NUS1: variants seen among roughly 807,000 people sequenced by gnomAD.
NUS1 encodes NUS1 dehydrodolichyl diphosphate synthase subunit.
For missense variants in NUS1, 292 were observed against 382.9 expected, an observed-to-expected ratio of 0.76 and a Z score of 1.98; for synonymous variants, 135 against 155.2, an observed-to-expected ratio of 0.87 and a Z score of 0.97.
Position 117,675,758 on chromosome 6 carries a change from T to C in NUS1, c.88T>C (p.Phe30Leu). 2 of 1,554,480 alleles carry C rather than the reference T, an allele frequency of 1.3e-6. No homozygotes were observed. Among genetic ancestry groups the C allele is most frequent in the Non-Finnish European group, 1.7e-6 (2 of 1,153,960 alleles). The change falls in exon 1 of 5, where the codon TTC (phenylalanine) becomes CTC (leucine). Residue 30 changes from phenylalanine to leucine, a missense_variant. Transcript: ENST00000368494. ...RTLTSWLRVR[F>L]GTWNWIWRRC... ...GCTCACCTCCTGGCTCCGCGTTCGGTTCGGCACCTGGAACTGGATCTGGCG... is the reference window on the plus strand; with the variant it reads ...GCTCACCTCCTGGCTCCGCGTTCGGCTCGGCACCTGGAACTGGATCTGGCG...
intron 1 of NUS1, among the ~76,000 whole-genome samples, chr6:117,688,984 A>G (rs1773178849): frequency 6.6e-6 from 1 of 152,184 alleles, no homozygotes; most frequent in Non-Finnish European, 1.5e-5. Flanking sequence ...GAAGGACCAC[A>G]TGGACAGAAA....
Position 117,675,787 on chromosome 6 carries a change from C to G in NUS1, c.117C>G (p.Arg39=), listed in dbSNP as rs1333336720. ...RFGTWNWIWR[R]CCRAASAAVL... ...GCACCTGGAACTGGATCTGGCGGCG[C>G]TGCTGCCGCGCCGCCTCTGCCGCGG... The change falls in exon 1 of 5, where the codon CGC becomes CGG. Residue 39 remains arginine, a synonymous_variant. Transcript: ENST00000368494. 1.5e-5 allele frequency: 24 copies of G among 1,561,320 alleles called. No individual in the cohort carries two copies. The highest frequency in any genetic ancestry group is 1.3e-4 in the Admixed American group (7 of 52,472).
chr6:117,693,042 G>C lies in NUS1; in HGVS notation c.416G>C (p.Gly139Ala). 5 of 1,601,160 alleles carry C rather than the reference G, an allele frequency of 3.1e-6. No individual in the cohort carries two copies. Among genetic ancestry groups the C allele is most frequent in the Non-Finnish European group, 4.3e-6 (5 of 1,169,344 alleles). ...ISYISVYDHQ[G>A]IFKRNNSRLM... Reference sequence around the variant, plus strand: ...TTACTTGCCTTTTTCTTTTTTAAAGGTATTTTCAAAAGAAATAATTCCAGA... The same window carrying C: ...TTACTTGCCTTTTTCTTTTTTAAAGCTATTTTCAAAAGAAATAATTCCAGA... The change falls in exon 2 of 5, where the codon GGT becomes GCT. Residue 139 changes from glycine (G) to alanine (A), a missense_variant and splice_region_variant. Coordinates refer to ENST00000368494, the MANE Select transcript of NUS1 (RefSeq NM_138459.5).
At position 117,692,831 on chromosome 6, in the gene NUS1, C is replaced by T. The variant is rs76543655; in HGVS notation, c.416-211C>T. Among the ~76,000 whole-genome samples, 9,757 of 152,058 alleles carry T rather than the reference C, an allele frequency of 0.064. 355 individuals are homozygous for T. The highest frequency in any genetic ancestry group is 0.092 in the African/African-American group (3,813 of 41,496). On this transcript the variant is annotated intron_variant, in intron 1 of 4. Transcript: ENST00000368494. ...CACATGCCACTACTTAAGTAGTTAC[C>T]TCTGTTCTTTTTTTTGCTGGAAGCC...
At chr6:117,683,667 G>A (rs977645896) in intron 1 of NUS1, among the ~76,000 whole-genome samples, 1 of 152,032 alleles carries the variant, frequency 6.6e-6, no homozygotes, top group African/African-American at 2.4e-5. Flanking sequence ...GTTTGTTCTT[G>A]TAAGTACTTG....
intron 3 of NUS1, among the ~76,000 whole-genome samples, chr6:117,695,330 T>C (rs535038060): frequency 2.2e-4 from 33 of 152,068 alleles, no homozygotes; most frequent in Non-Finnish European, 3.8e-4. Context: ...TCCCACTTCT[T>C]GGTTTCGCTA....
At chr6:117,693,006 C>T in intron 1 of NUS1, 36 bp from the exon 2 acceptor site, 2 of 1,557,340 alleles carry the variant, frequency 1.3e-6, no homozygotes, top group Admixed American at 3.4e-5. Context: ...AAAAATTAAC[C>T]TAGTTGTGTT....
rs555182491 is a variant in NUS1, at chr6:117,710,083, G to T, written c.*3068G>T. Reference sequence around the variant, plus strand: ...AGTAATTAAAATTTGAATTTTTACCGAATATGAAATTTCCAAATTAAAAAC... The same window carrying T: ...AGTAATTAAAATTTGAATTTTTACCTAATATGAAATTTCCAAATTAAAAAC... On this transcript the variant is annotated 3_prime_UTR_variant, in exon 5 of 5. Transcript: ENST00000368494. The T allele has an allele frequency of 4.6e-5, 7 of 152,104 alleles. No individual in the cohort carries two copies. Among genetic ancestry groups the T allele is most frequent in the Non-Finnish European group, 8.8e-5 (6 of 67,928 alleles). The allele number at this position is 152,104 out of a possible 1,614,324, so 9.4% of individuals were successfully genotyped here. A position where few individuals can be genotyped will look rare whatever the true frequency, so the allele number is the denominator to read the frequency against.
rs544407169 is a variant in NUS1 at position 117,681,319 on chromosome 6, TC to T, written c.415+5236del. On this transcript the variant is annotated intron_variant, in intron 1 of 4. Transcript: ENST00000368494. ...TTATAAGCTCCACAGATGCTATCCA[TC>T]CTTCTCATTTTTGCTTTTCTTACAG... 1.8e-3 allele frequency among the ~76,000 whole-genome samples: 270 copies of T among 152,352 alleles called. 1 individual carries two copies. Among genetic ancestry groups the T allele is most frequent in the African/African-American group, 6.3e-3 (262 of 41,582 alleles).
intron 3 of NUS1, among the ~76,000 whole-genome samples, chr6:117,703,137 G>A (rs1408012844): frequency 6.6e-6 from 1 of 152,188 alleles, no homozygotes; most frequent in Non-Finnish European, 1.5e-5. Context: ...GCTGTAAAAT[G>A]AGGTGCATGA....
chr6:117,706,857 TC>T, intron 4 of NUS1, 67 bp from the exon 5 acceptor site: 6 of 1,254,614 alleles, frequency 4.8e-6, no homozygotes, highest in Non-Finnish European at 7.0e-6. Flanking sequence ...TTGGTCCTTA[TC>T]TTCTGGTTCC....
chr6:117,682,206 C>T (rs185629694), intron 1 of NUS1, among the ~76,000 whole-genome samples: 9 of 152,322 alleles, frequency 5.9e-5, no homozygotes, highest in Admixed American at 5.2e-4. Flanking sequence ...CCCAGTCTTA[C>T]TCTGTCTTTG....
At chr6:117,684,663 C>T (rs1773110555) in intron 1 of NUS1, among the ~76,000 whole-genome samples, 1 of 152,194 alleles carries the variant, frequency 6.6e-6, no homozygotes, top group Admixed American at 6.5e-5. Context: ...GTTACGGCCA[C>T]TGCTGACATT....
chr6:117,676,963 A>G (rs551705663), intron 1 of NUS1, among the ~76,000 whole-genome samples: 2 of 152,336 alleles, frequency 1.3e-5, no homozygotes, highest in South Asian at 4.1e-4. Flanking sequence ...GGATAGGCAG[A>G]AAAGAAAATG....
Position 117,675,534 on chromosome 6 carries a change from G to A in NUS1, c.-137G>A. On this transcript the variant is annotated 5_prime_UTR_variant, in exon 1 of 5. Transcript: ENST00000368494. ...GCGGCGGGGGCGAGGTGAGGTGTTG[G>A]CAGTGGAAAGGGGTTCGGGCTCGGG... The A allele has an allele frequency of 1.2e-6, 1 of 823,770 alleles. No homozygotes were observed. The highest frequency in any genetic ancestry group is 1.9e-6 in the Non-Finnish European group (1 of 529,154). 51.0% of individuals were successfully genotyped at this position (823,770 alleles called of 1,614,324 possible). A position where few individuals can be genotyped will look rare whatever the true frequency, so the allele number is the denominator to read the frequency against.
intron 1 of NUS1, among the ~76,000 whole-genome samples, chr6:117,685,138 C>T (rs2114681017): frequency 6.6e-6 from 1 of 152,196 alleles, no homozygotes; most frequent in South Asian, 2.1e-4. Context: ...TTCATTTGGC[C>T]CCCAAAATGC....
chr6:117,681,083 G>A (rs1353702263), intron 1 of NUS1, among the ~76,000 whole-genome samples: 1 of 152,118 alleles, frequency 6.6e-6, no homozygotes, highest in Non-Finnish European at 1.5e-5. Context: ...GCAAATGGCT[G>A]TATGCCTACC....
chr6:117,687,121 TTATA>T, intron 1 of NUS1, among the ~76,000 whole-genome samples: 1 of 152,314 alleles, frequency 6.6e-6, no homozygotes, highest in African/African-American at 2.4e-5. Flanking sequence ...ATGAAAGTCT[TTATA>T]AGAGACATTT....
chr6:117,701,887 A>G (rs1298182181), intron 3 of NUS1, among the ~76,000 whole-genome samples: 1 of 152,074 alleles, frequency 6.6e-6, no homozygotes, highest in Non-Finnish European at 1.5e-5. Context: ...TTATGTCTAC[A>G]TAGCTTAGTG....
Sources: gnomAD v4.1 joint callset for allele counts (sites outside exome capture counted in the v4.1 genomes callset) on GRCh38, gnomAD v4.1.1 for gene constraint, MANE v1.5 for transcripts, NCBI Gene and HGNC (gene_info 2026-07-23, HGNC 2026-07-21) for gene names.